SNTG1: variants seen among roughly 807,000 people sequenced by gnomAD.
SNTG1 encodes gamma-1-syntrophin.
In SNTG1, 39 loss-of-function variants were observed where a neutral mutation model predicts 74.7. That is an observed-to-expected ratio of 0.52 (90% CI 0.40 to 0.68). The LOEUF (loss-of-function observed/expected upper bound fraction) is 0.68, where lower values mean the gene tolerates loss of function less well. Ranked by LOEUF, SNTG1 falls within the 30% of genes least tolerant of loss-of-function variation. The probability of loss-of-function intolerance (pLI) is 0.00; values close to 1 mark genes in which losing one functional copy is unlikely to be tolerated. For synonymous variants in SNTG1, 254 were observed against 217.1 expected (o/e 1.17, Z -1.49); for missense variants, 685 against 609.5 (o/e 1.12, Z -1.30).
chr8:50,751,970 C>A, intron 17 of SNTG1, 31 bp from the exon 18 acceptor site: 1 of 1,319,152 alleles, frequency 7.6e-7, no homozygotes, highest in Non-Finnish European at 1.0e-6. Flanking sequence ...TTAATTCCAC[C>A]GACTTACATT....
intron 4 of SNTG1, among the ~76,000 whole-genome samples, chr8:50,423,276 T>G (rs7843301): frequency 9.2e-5 from 14 of 152,152 alleles, no homozygotes; most frequent in Non-Finnish European, 1.8e-4. Context: ...GTTTGTTCTC[T>G]GTTATGTTTA....
chr8:50,347,945 T>C (rs1481083715), intron 2 of SNTG1, among the ~76,000 whole-genome samples: 1 of 152,172 alleles, frequency 6.6e-6, no homozygotes, highest in Non-Finnish European at 1.5e-5. Flanking sequence ...AAAATATATA[T>C]GATATAATGT....
At chr8:50,202,575 A>G (rs1253138046) in intron 2 of SNTG1, among the ~76,000 whole-genome samples, 1 of 152,060 alleles carries the variant, frequency 6.6e-6, no homozygotes, top group African/African-American at 2.4e-5. Flanking sequence ...GATGACCCAC[A>G]GTTTTTTTAT....
chr8:50,220,411 G>T (rs1241217157), intron 2 of SNTG1, among the ~76,000 whole-genome samples: 1 of 152,042 alleles, frequency 6.6e-6, no homozygotes, highest in Non-Finnish European at 1.5e-5. Context: ...AAAGAGTTGT[G>T]GAAGACAGTA....
intron 1 of SNTG1, among the ~76,000 whole-genome samples, chr8:50,003,479 A>C (rs1814932782): frequency 6.6e-6 from 1 of 152,186 alleles, no homozygotes; most frequent in South Asian, 2.1e-4. Context: ...TGAACTGAAA[A>C]CATTCTACTT....
chr8:50,086,381 A>G (rs1202731317), intron 1 of SNTG1, among the ~76,000 whole-genome samples: 2 of 152,196 alleles, frequency 1.3e-5, no homozygotes, highest in African/African-American at 2.4e-5. Flanking sequence ...AGGAAGGATT[A>G]TGGACTGAAT....
chr8:50,303,035 A>C lies in SNTG1; in HGVS notation c.-27-91177A>C, dbSNP rs193022068. Among the ~76,000 whole-genome samples the C allele has an allele frequency of 3.9e-5, 6 of 152,328 alleles. No individual in the cohort carries two copies. The East Asian group carries it at 1.2e-3, about 29-fold the overall frequency. ...TGTATTCATATCAAACCATATGCCA[A>C]AATGTCTTAAAATTTCTCATTTTAA... On this transcript the variant is annotated intron_variant, in intron 2 of 18. Transcript: ENST00000642720.
At chr8:50,658,495 A>G in intron 14 of SNTG1, 97 bp from the exon 15 acceptor site, 2 of 796,134 alleles carry the variant, frequency 2.5e-6, no homozygotes, top group South Asian at 1.9e-5. Flanking sequence ...TACATCTGTG[A>G]AAGTTTTTTC....
intron 1 of SNTG1, among the ~76,000 whole-genome samples, chr8:50,145,052 C>T (rs2081808390): frequency 6.6e-6 from 1 of 152,092 alleles, no homozygotes; most frequent in South Asian, 2.1e-4. Context: ...ACACCAGTCA[C>T]ATGTGGTGCC....
intron 2 of SNTG1, among the ~76,000 whole-genome samples, chr8:50,216,838 G>A (rs1193423239): frequency 2.6e-5 from 4 of 151,966 alleles, no homozygotes; most frequent in Admixed American, 6.6e-5. Context: ...ATTACTGGAT[G>A]CATTTATTCC....
intron 1 of SNTG1, among the ~76,000 whole-genome samples, chr8:49,986,718 C>CAAAA (rs10659343): frequency 3.0e-4 from 42 of 138,156 alleles, no homozygotes; most frequent in South Asian, 2.3e-3. Flanking sequence ...ACAAAAAGTA[C>CAAAA]AAAAAAAAAA....
intron 1 of SNTG1, among the ~76,000 whole-genome samples, chr8:50,033,350 G>A (rs776649491): frequency 7.9e-5 from 12 of 151,988 alleles, no homozygotes; most frequent in East Asian, 7.7e-4. Flanking sequence ...TCTCGAACTC[G>A]CAACCTCAGG....
At chr8:50,543,135 C>T (rs978475706) in intron 11 of SNTG1, among the ~76,000 whole-genome samples, 4 of 152,254 alleles carry the variant, frequency 2.6e-5, no homozygotes, top group Middle Eastern at 3.4e-3. Flanking sequence ...TGACGTCTTA[C>T]AGAAAACATC....
chr8:50,365,699 G>GT (rs2092089042), intron 2 of SNTG1, among the ~76,000 whole-genome samples: 1 of 151,928 alleles, frequency 6.6e-6, no homozygotes, highest in Non-Finnish European at 1.5e-5. Flanking sequence ...AATTTATTGT[G>GT]TTCTTATTAC....
At chr8:50,631,799 A>T (rs748694719) in intron 13 of SNTG1, among the ~76,000 whole-genome samples, 1 of 152,184 alleles carries the variant, frequency 6.6e-6, no homozygotes, top group East Asian at 1.9e-4. Flanking sequence ...TAAGAGACCT[A>T]TTCATCCCAT....
chr8:50,690,956 G>A (rs2095375719), intron 15 of SNTG1, among the ~76,000 whole-genome samples: 2 of 152,134 alleles, frequency 1.3e-5, no homozygotes, highest in Non-Finnish European at 2.9e-5. Flanking sequence ...TATATATTTA[G>A]GATAGTTAGC....
intron 2 of SNTG1, among the ~76,000 whole-genome samples, chr8:50,224,577 C>A (rs566103314): frequency 7.9e-5 from 12 of 152,192 alleles, no homozygotes; most frequent in Admixed American, 2.6e-4. Context: ...CAGTTGTAAA[C>A]CAAAAGTAAA....
chr8:50,292,841 G>T lies in SNTG1; in HGVS notation c.-27-101371G>T, dbSNP rs10106724. The stretch of plus-strand genomic sequence containing the variant: ...GGCATTTAAAACTAAAATAATGAAT[G>T]AGCTCTCTCTGTAAGTTTATAACAT... On this transcript the variant is annotated intron_variant, in intron 2 of 18. Transcript: ENST00000642720. 6.0e-3 allele frequency among the ~76,000 whole-genome samples: 918 copies of T among 152,218 alleles called. 9 individuals are homozygous for T. The highest frequency in any genetic ancestry group is 0.021 in the African/African-American group (865 of 41,532).
At chr8:50,786,381 G>A (rs528995884) in intron 18 of SNTG1, among the ~76,000 whole-genome samples, 1 of 152,042 alleles carries the variant, frequency 6.6e-6, no homozygotes, top group East Asian at 1.9e-4. Flanking sequence ...AATAAGGGGA[G>A]CTACATCCCA....
Sources: allele counts gnomAD v4.1 joint callset (sites outside exome capture counted in the v4.1 genomes callset), GRCh38; gene constraint gnomAD v4.1.1; transcripts MANE v1.5; gene names NCBI Gene and HGNC (gene_info 2026-07-23, HGNC 2026-07-21).